CTNNA2: variants seen among roughly 807,000 people sequenced by gnomAD.
CTNNA2 encodes the protein catenin alpha 2.
In CTNNA2, 42 loss-of-function variants were observed where a neutral mutation model predicts 101.0. The observed-to-expected ratio is 0.42, with a 90% CI of 0.32 to 0.54. CTNNA2 has a LOEUF of 0.54. Among genes scored for constraint, CTNNA2 ranks in the 20% least tolerant of loss-of-function variants. The pLI is 0.14. For missense variants in CTNNA2, 871 were observed against 1,223.1 expected, an observed-to-expected ratio of 0.71 and a Z score of 4.29; for synonymous variants, 450 against 456.4, an observed-to-expected ratio of 0.99 and a Z score of 0.18.
intron 7 of CTNNA2, among the ~76,000 whole-genome samples, chr2:79,923,815 G>A (rs1686839130): frequency 6.6e-6 from 1 of 152,034 alleles, no homozygotes; most frequent in African/African-American, 2.4e-5. Flanking sequence ...CGCTTTTGTA[G>A]ATTCCACATA....
intron 7 of CTNNA2, among the ~76,000 whole-genome samples, chr2:80,064,467 GTT>G (rs1697835448): frequency 1.3e-5 from 2 of 152,348 alleles, no homozygotes; most frequent in African/African-American, 4.8e-5. Flanking sequence ...ATTAGCTCAT[GTT>G]TTATTGTGGG....
chr2:80,134,415 A>G (rs1702577998), intron 7 of CTNNA2, among the ~76,000 whole-genome samples: 1 of 152,114 alleles, frequency 6.6e-6, no homozygotes. Context: ...TTGGTAAATG[A>G]TCACCATAAT....
intron 2 of CTNNA2, among the ~76,000 whole-genome samples, chr2:79,665,050 T>G (rs1411551252): frequency 6.6e-6 from 1 of 152,140 alleles, no homozygotes; most frequent in Non-Finnish European, 1.5e-5. Flanking sequence ...TGTCTTTCTT[T>G]TTGTTTCCTT....
At chr2:80,630,330 T>C (rs1672145074) in intron 18 of CTNNA2, among the ~76,000 whole-genome samples, 1 of 152,178 alleles carries the variant, frequency 6.6e-6, no homozygotes, top group Non-Finnish European at 1.5e-5. Context: ...CATTACATAT[T>C]TACCTAGTCT....
chr2:80,320,614 A>T (rs962414574), intron 7 of CTNNA2, among the ~76,000 whole-genome samples: 7 of 152,038 alleles, frequency 4.6e-5, no homozygotes, highest in African/African-American at 1.7e-4. Flanking sequence ...AACCTTAAAA[A>T]TTTACTTGAT....
At chr2:79,412,784 A>G (rs1678431461) in intron 4 of CTNNA2, among the ~76,000 whole-genome samples, 2 of 152,118 alleles carry the variant, frequency 1.3e-5, no homozygotes, top group African/African-American at 4.8e-5. Flanking sequence ...GAATAAATTG[A>G]GAAGGAGAAA....
chr2:79,630,708 G>A (rs1573519971), intron 1 of CTNNA2, among the ~76,000 whole-genome samples: 1 of 152,254 alleles, frequency 6.6e-6, no homozygotes, highest in East Asian at 1.9e-4. Flanking sequence ...GTAACGTGGT[G>A]TCATTTATGT....
chr2:79,641,691 A>G (rs1441946516), intron 1 of CTNNA2, among the ~76,000 whole-genome samples: 1 of 152,218 alleles, frequency 6.6e-6, no homozygotes, highest in Admixed American at 6.5e-5. Context: ...GTGGAAAACA[A>G]CCCATAATTT....
At position 79,520,857 on chromosome 2, in the gene CTNNA2, A is replaced by G. The variant is rs558867913; in HGVS notation, c.-6+7650A>G. Among the ~76,000 whole-genome samples, 6 of 152,154 alleles carry G rather than the reference A, an allele frequency of 3.9e-5. No individual in the cohort carries two copies. In the East Asian group the frequency reaches 1.2e-3, roughly 29 times the overall value. On this transcript the variant is annotated intron_variant, in intron 1 of 18. Transcript: ENST00000402739. ...TTGGAGAGGATGTGAAGCAACTGTG[A>G]TACTCATACATTGCTGGTGGGAATG...
At chr2:80,520,938 C>A (rs1573114646) in intron 9 of CTNNA2, among the ~76,000 whole-genome samples, 1 of 152,086 alleles carries the variant, frequency 6.6e-6, no homozygotes, top group Admixed American at 6.6e-5. Flanking sequence ...TTCAAGAGGG[C>A]TGTTTGGAGA....
intron 7 of CTNNA2, among the ~76,000 whole-genome samples, chr2:80,280,302 G>A (rs1254230476): frequency 6.7e-6 from 1 of 149,860 alleles, no homozygotes; most frequent in Non-Finnish European, 1.5e-5. Flanking sequence ...TATTTCTTTT[G>A]CCAACTGCTG....
intron 4 of CTNNA2, among the ~76,000 whole-genome samples, chr2:79,394,266 C>G (rs538883870): frequency 1.3e-5 from 2 of 152,182 alleles, no homozygotes; most frequent in East Asian, 3.9e-4. Context: ...TTCACTGTGA[C>G]CTGAAGGGGA....
At chr2:79,465,990 C>T (rs1377096512) in intron 4 of CTNNA2, among the ~76,000 whole-genome samples, 1 of 152,156 alleles carries the variant, frequency 6.6e-6, no homozygotes, top group Non-Finnish European at 1.5e-5. Context: ...TCTGCATTTC[C>T]AACCAAGGTA....
At chr2:79,391,376 C>A (rs1340116982) in intron 4 of CTNNA2, among the ~76,000 whole-genome samples, 2 of 152,072 alleles carry the variant, frequency 1.3e-5, no homozygotes, top group East Asian at 1.9e-4. Flanking sequence ...TATTTTCTTT[C>A]TTTATTTTCT....
chr2:80,154,620 A>T (rs549357790), intron 7 of CTNNA2, among the ~76,000 whole-genome samples: 1 of 152,268 alleles, frequency 6.6e-6, no homozygotes, highest in South Asian at 2.1e-4. Flanking sequence ...TGTGTTTGTC[A>T]GGGTGGACAA....
At chr2:80,202,024 C>T (rs1404287581) in intron 7 of CTNNA2, among the ~76,000 whole-genome samples, 1 of 152,178 alleles carries the variant, frequency 6.6e-6, no homozygotes, top group East Asian at 1.9e-4. Flanking sequence ...CCTTCTCATA[C>T]TCTACTGCAT....
At chr2:79,311,581 A>G (rs942188500) in intron 2 of CTNNA2, among the ~76,000 whole-genome samples, 5 of 152,046 alleles carry the variant, frequency 3.3e-5, no homozygotes, top group African/African-American at 7.2e-5. Flanking sequence ...CAGTCGCTTA[A>G]AAGTCAGCAA....
chr2:79,553,477 A>G (rs1674244417), intron 1 of CTNNA2, among the ~76,000 whole-genome samples: 1 of 152,162 alleles, frequency 6.6e-6, no homozygotes, highest in South Asian at 2.1e-4. Flanking sequence ...ATTGCTGTAA[A>G]GAACTACTGG....
intron 4 of CTNNA2, among the ~76,000 whole-genome samples, chr2:79,416,476 A>C (rs770152921): frequency 1.8e-4 from 27 of 152,196 alleles, no homozygotes; most frequent in Non-Finnish European, 3.1e-4. Context: ...GGCTGTAGAC[A>C]TCAGCACAGC....
Sources: allele counts gnomAD v4.1 joint callset (sites outside exome capture counted in the v4.1 genomes callset), GRCh38; gene constraint gnomAD v4.1.1; transcripts MANE v1.5; gene names NCBI Gene and HGNC (gene_info 2026-07-23, HGNC 2026-07-21).